Variants in FYN observed in about 807,000 individuals in gnomAD.
FYN encodes tyrosine-protein kinase Fyn.
In FYN, 10 loss-of-function variants were observed where a neutral mutation model predicts 70.2. That is an observed-to-expected ratio of 0.14 (90% CI 0.09 to 0.24). The LOEUF (loss-of-function observed/expected upper bound fraction) is 0.24. Among genes scored for constraint, FYN ranks in the 10% least tolerant of loss-of-function variants. The pLI is 1.00. For synonymous variants in FYN, 236 were observed against 248.6 expected, an observed-to-expected ratio of 0.95 and a Z score of 0.48; for missense variants, 319 against 673.1, an observed-to-expected ratio of 0.47 and a Z score of 5.82.
chr6:111,764,107 C>T (rs1803113407), intron 3 of FYN, among the ~76,000 whole-genome samples: 1 of 149,448 alleles, frequency 6.7e-6, no homozygotes, highest in Admixed American at 6.7e-5. Context: ...GGTGAGGTTG[C>T]AGGGAGTCCA....
chr6:111,689,879 C>T (rs1002999107), intron 12 of FYN, among the ~76,000 whole-genome samples: 2 of 152,132 alleles, frequency 1.3e-5, no homozygotes, highest in African/African-American at 2.4e-5. Flanking sequence ...AAAAATTCAT[C>T]GGGCTGCACA....
At chr6:111,758,408 T>C (rs1224703513) in intron 3 of FYN, among the ~76,000 whole-genome samples, 3 of 152,212 alleles carry the variant, frequency 2.0e-5, no homozygotes. Flanking sequence ...TTTTGTTTTG[T>C]TCTGTATCTT....
chr6:111,724,429 G>A (rs1801099933), intron 3 of FYN, among the ~76,000 whole-genome samples: 1 of 152,168 alleles, frequency 6.6e-6, no homozygotes. Flanking sequence ...CCACAGTCCA[G>A]TCTACAAGAT....
intron 1 of FYN, among the ~76,000 whole-genome samples, chr6:111,855,161 GT>G (rs2114503472): frequency 6.6e-6 from 1 of 152,208 alleles, no homozygotes; most frequent in African/African-American, 2.4e-5. Context: ...ATTACCAGGT[GT>G]TTTAAACAGA....
intron 2 of FYN, among the ~76,000 whole-genome samples, chr6:111,781,496 T>C (rs1462960475): frequency 6.6e-6 from 1 of 152,208 alleles, no homozygotes; most frequent in Non-Finnish European, 1.5e-5. Context: ...CCTCAACGGA[T>C]GCACCTTCCA....
chr6:111,704,199 C>A, intron 6 of FYN, 97 bp from the exon 7 acceptor site: 1 of 852,734 alleles, frequency 1.2e-6, no homozygotes, highest in Non-Finnish European at 1.9e-6. Flanking sequence ...CCCCTCTCCT[C>A]CAATTTAGTC....
chr6:111,715,217 G>C lies in FYN; in HGVS notation c.248-774C>G, dbSNP rs116952585. 5.3e-3 allele frequency among the ~76,000 whole-genome samples: 803 copies of C among 151,950 alleles called. 3 individuals are homozygous for C. The highest frequency in any genetic ancestry group is 9.5e-3 in the Non-Finnish European group (644 of 67,996). ...GAATATCCAGTGTCATTTGGCCTAG[G>C]ATTTCCTCCATATAATTAGGCATAA... is the stretch of plus-strand genomic sequence containing the variant. On this transcript the variant is annotated intron_variant, in intron 4 of 13. Transcript: ENST00000354650.
intron 13 of FYN, among the ~76,000 whole-genome samples, chr6:111,664,998 C>T (rs971305016): frequency 9.2e-5 from 14 of 152,208 alleles, no homozygotes; most frequent in East Asian, 1.9e-4. Flanking sequence ...GCAACAATAA[C>T]GGTGGCAATC....
chr6:111,790,521 C>T (rs548915116), intron 2 of FYN, among the ~76,000 whole-genome samples: 2 of 152,136 alleles, frequency 1.3e-5, no homozygotes, highest in South Asian at 2.1e-4. Context: ...CCCACGTGCA[C>T]GTTCTCAATG....
At chr6:111,718,053 C>T (rs1035136548) in intron 4 of FYN, among the ~76,000 whole-genome samples, 4 of 152,188 alleles carry the variant, frequency 2.6e-5, no homozygotes, top group Non-Finnish European at 5.9e-5. Context: ...TCTTATTTAA[C>T]ACTCCATGAC....
intron 3 of FYN, among the ~76,000 whole-genome samples, chr6:111,731,957 A>G (rs907104440): frequency 6.6e-5 from 10 of 152,204 alleles, no homozygotes; most frequent in African/African-American, 2.4e-4. Flanking sequence ...GAGGAAATTA[A>G]AGGAGGAACA....
intron 2 of FYN, among the ~76,000 whole-genome samples, chr6:111,804,431 T>C (rs148602999): frequency 6.6e-6 from 1 of 152,244 alleles, no homozygotes; most frequent in Non-Finnish European, 1.5e-5. Flanking sequence ...CTTTCCAGCA[T>C]CCCTGTTCCA....
At chr6:111,749,817 G>A (rs527908066) in intron 3 of FYN, among the ~76,000 whole-genome samples, 1 of 152,002 alleles carries the variant, frequency 6.6e-6, no homozygotes, top group South Asian at 2.1e-4. Flanking sequence ...CAAAATATAT[G>A]TTCAAAATCT....
At chr6:111,699,479 A>T in intron 9 of FYN, 1 of 1,599,286 alleles carries the variant, frequency 6.3e-7, no homozygotes, top group Non-Finnish European at 8.5e-7. Flanking sequence ...ATCGGCTTTG[A>T]GATGCAGCCA....
At chr6:111,691,781 C>T (rs1799330083) in intron 12 of FYN, among the ~76,000 whole-genome samples, 1 of 151,934 alleles carries the variant, frequency 6.6e-6, no homozygotes, top group Admixed American at 6.6e-5. Context: ...TCCTCTCTAT[C>T]TTTATTTTCT....
chr6:111,868,666 T>C (rs1774183268), intron 1 of FYN, among the ~76,000 whole-genome samples: 1 of 152,186 alleles, frequency 6.6e-6, no homozygotes, highest in Non-Finnish European at 1.5e-5. Context: ...TGTAGTATTT[T>C]GAATATTACC....
chr6:111,829,093 C>T (rs551847947), intron 2 of FYN, among the ~76,000 whole-genome samples: 24 of 152,210 alleles, frequency 1.6e-4, no homozygotes, highest in Admixed American at 1.2e-3. Flanking sequence ...ACATGCTTTA[C>T]GAAATGAGCT....
intron 1 of FYN, among the ~76,000 whole-genome samples, chr6:111,848,663 T>C (rs918667025): frequency 1.3e-5 from 2 of 152,232 alleles, no homozygotes; most frequent in African/African-American, 4.8e-5. Context: ...GAAATATTTT[T>C]AGAGAGCGGC....
chr6:111,730,199 G>A (rs1801384938), intron 3 of FYN, among the ~76,000 whole-genome samples: 1 of 152,150 alleles, frequency 6.6e-6, no homozygotes, highest in African/African-American at 2.4e-5. Flanking sequence ...CTGGGAGTGG[G>A]CGGTGAGTGC....
Sources: gnomAD v4.1 joint callset for allele counts (sites outside exome capture counted in the v4.1 genomes callset) on GRCh38, gnomAD v4.1.1 for gene constraint, MANE v1.5 for transcripts, NCBI Gene and HGNC (gene_info 2026-07-23, HGNC 2026-07-21) for gene names.